ZNF106: variants seen among roughly 807,000 people sequenced by gnomAD.
ZNF106 encodes SH3-domain binding protein 3.
ZNF106 carries 67 observed loss-of-function variants against 195.1 expected under a neutral mutation model. The ratio of observed to expected loss-of-function variants is 0.34; its 90% CI spans 0.28 to 0.42. The LOEUF is 0.42. Among genes scored for constraint, ZNF106 ranks in the 10% least tolerant of loss-of-function variants. ZNF106 has a pLI of 1.00. For synonymous variants in ZNF106, 784 were observed against 818.6 expected, an observed-to-expected ratio of 0.96 and a Z score of 0.72; for missense variants, 2,118 against 2,304.5, an observed-to-expected ratio of 0.92 and a Z score of 1.66.
chr15:42,479,560 G>A (rs148192048), intron 1 of ZNF106, among the ~76,000 whole-genome samples: 1,855 of 151,842 alleles, frequency 0.012, 29 homozygotes, highest in African/African-American at 0.043. Flanking sequence ...ACAGGGTCTC[G>A]GCCAGGCACA....
chr15:42,427,918 GAAGAA>G, intron 15 of ZNF106, 95 bp downstream of exon 15: 2 of 969,978 alleles, frequency 2.1e-6, no homozygotes, highest in South Asian at 1.4e-5. Context: ...CTTCCTCACA[GAAGAA>G]AATAGGAAAA....
Position 42,448,011 on chromosome 15 carries a change from T to C in ZNF106, c.3135+61A>G, listed in dbSNP as rs1030213774. On this transcript the variant is annotated intron_variant, in intron 6 of 21. Transcript: ENST00000564754. ...CCAAGAAAAACAGTTGAACCTTTTT[T>C]CATAAGCAACCAACTTGCCACATGC... 4 of 1,522,202 alleles carry C rather than the reference T, an allele frequency of 2.6e-6. No homozygotes were observed. The African/African-American group carries it at 4.2e-5, about 16-fold the overall frequency. 94.3% of individuals were successfully genotyped at this position (1,522,202 alleles called of 1,614,324 possible).
intron 11 of ZNF106, 35 bp from the exon 12 acceptor site, chr15:42,438,702 G>T (rs549544841): frequency 6.3e-7 from 1 of 1,596,930 alleles, no homozygotes. Flanking sequence ...CTCAGCATCT[G>T]TGTGAACAGG....
chr15:42,450,258 G>A lies in ZNF106; in HGVS notation c.2014C>T (p.Gln672Ter). ...STSPCNPIVR[Q>*]KESELQMTSA... ...GTCATTTGTAATTCAGATTCTTTCT[G>A]GCGAACTATGGGATTACATGGGGAA... is the stretch of plus-strand genomic sequence containing the variant. The change falls in exon 5 of 22, where the codon CAG (glutamine) becomes TAG (stop). Residue 672 changes from glutamine (Q) to a stop codon, truncating the protein, a stop_gained. Coordinates refer to ENST00000564754, the MANE Select transcript of ZNF106 (RefSeq NM_001366845.3). LOFTEE classifies it high-confidence loss of function. 6.2e-7 allele frequency: 1 copy of A among 1,614,156 alleles called. No individual in the cohort carries two copies. Among genetic ancestry groups the A allele is most frequent in the Non-Finnish European group, 8.5e-7 (1 of 1,180,026 alleles).
chr15:42,454,757 A>G (rs1236079793), intron 4 of ZNF106, among the ~76,000 whole-genome samples: 1 of 151,730 alleles, frequency 6.6e-6, no homozygotes, highest in Non-Finnish European at 1.5e-5. Flanking sequence ...TTAGCCACGC[A>G]TGGTGGCGAT....
rs140624655 is a variant in ZNF106 at position 42,432,199 on chromosome 15, C to T, written c.4881+3185G>A. Among the ~76,000 whole-genome samples, 921 of 152,226 alleles carry T rather than the reference C, an allele frequency of 6.1e-3. 7 individuals carry two copies. The highest frequency in any genetic ancestry group is 0.021 in the African/African-American group (881 of 41,530). ...AAAGGGACAGCGTCTCACTCTGTCA[C>T]CCAGGCTGGAGTGCAGTGGCATTGT... On this transcript the variant is annotated intron_variant, in intron 14 of 21. Coordinates refer to ENST00000564754, the MANE Select transcript of ZNF106 (RefSeq NM_001366845.3).
intron 1 of ZNF106, among the ~76,000 whole-genome samples, chr15:42,487,736 T>C (rs1439163801): frequency 6.6e-6 from 1 of 152,160 alleles, no homozygotes; most frequent in African/African-American, 2.4e-5. Flanking sequence ...TCCGTCTCCA[T>C]AACTACTTGC....
chr15:42,421,264 C>T (rs62022303), intron 19 of ZNF106, 132 bp from the exon 20 acceptor site: 113,935 of 792,344 alleles, frequency 0.14, 10,744 homozygotes, highest in African/African-American at 0.41. Context: ...AGCTCCAGAG[C>T]AGGAGAATGG....
At chr15:42,467,599 C>CT (rs201461303) in intron 2 of ZNF106, among the ~76,000 whole-genome samples, 10,391 of 151,700 alleles carry the variant, frequency 0.068, 449 homozygotes, top group South Asian at 0.16. Flanking sequence ...ACCAGCCTAG[C>CT]TAACATGGTG....
intron 3 of ZNF106, among the ~76,000 whole-genome samples, 192 bp downstream of exon 3, chr15:42,465,861 C>T (rs529612617): frequency 6.6e-6 from 1 of 152,186 alleles, no homozygotes; most frequent in Non-Finnish European, 1.5e-5. Flanking sequence ...ATTTGAGATG[C>T]CCAAAGGTAT....
chr15:42,485,960 CTTT>C (rs34242148), intron 1 of ZNF106, among the ~76,000 whole-genome samples: 7 of 137,408 alleles, frequency 5.1e-5, no homozygotes, highest in Admixed American at 1.5e-4. Flanking sequence ...ATTACTCTTT[CTTT>C]TTTTTTTTTT....
intron 21 of ZNF106, 84 bp downstream of exon 21, chr15:42,417,720 AT>A: frequency 1.4e-6 from 2 of 1,444,622 alleles, no homozygotes; most frequent in Non-Finnish European, 9.2e-7. Context: ...ATATATGGCA[AT>A]TCTCAATAAT....
chr15:42,426,449 G>C (rs1427647576), intron 15 of ZNF106, among the ~76,000 whole-genome samples: 1 of 150,366 alleles, frequency 6.7e-6, no homozygotes, highest in Non-Finnish European at 1.5e-5. Flanking sequence ...AGCCAGTCTT[G>C]AGTACAATGG....
intron 3 of ZNF106, among the ~76,000 whole-genome samples, chr15:42,459,346 G>A (rs538525691): frequency 3.3e-5 from 5 of 151,738 alleles, no homozygotes; most frequent in African/African-American, 4.8e-5. Flanking sequence ...CATGGTGGCG[G>A]GCACCTGTAA....
chr15:42,450,476 G>T lies in ZNF106; in HGVS notation c.1796C>A (p.Ser599Tyr). 16 of 1,614,080 alleles carry T rather than the reference G, an allele frequency of 9.9e-6. No homozygotes were observed. The highest frequency in any genetic ancestry group is 1.4e-5 in the Non-Finnish European group (16 of 1,180,020). Residue 599 changes from serine (S) to tyrosine (Y), a missense_variant, in exon 5 of 22, where the codon TCT becomes TAT. Coordinates refer to ENST00000564754, the MANE Select transcript of ZNF106 (RefSeq NM_001366845.3). ...SRNVEESEKG[S>Y]LKIEFQVHAL... is the part of the protein sequence containing the mutation. ...GTGCACTTGAAACTCAATTTTCAAA[G>T]ACCCTTTTTCAGATTCTTCTACATT... is the stretch of plus-strand genomic sequence containing the variant.
At chr15:42,465,966 G>C (rs1053250776) in intron 3 of ZNF106, 87 bp downstream of exon 3, 1 of 1,064,526 alleles carries the variant, frequency 9.4e-7, no homozygotes, top group Non-Finnish European at 1.3e-6. Context: ...TGCTTTTGAC[G>C]GATTACTGCA....
intron 14 of ZNF106, among the ~76,000 whole-genome samples, chr15:42,434,646 CAT>C (rs1454983273): frequency 2.0e-5 from 3 of 151,906 alleles, no homozygotes; most frequent in Admixed American, 6.6e-5. Context: ...AAATTAAAAA[CAT>C]ATTGTATATA....
In ZNF106 at chr15:42,456,945, A is replaced by G. The variant is rs915630710; in HGVS notation, c.317+13T>C. On this transcript the variant is annotated intron_variant, in intron 4 of 21. Coordinates refer to ENST00000564754, the MANE Select transcript of ZNF106 (RefSeq NM_001366845.3). ...GTTATAGATAGGCTTTTTTTAAAAAATCAATTACTTACCGACTTTGTTCTT... is the reference window on the plus strand; with the variant it reads ...GTTATAGATAGGCTTTTTTTAAAAAGTCAATTACTTACCGACTTTGTTCTT... 2 of 1,607,406 alleles carry G rather than the reference A, an allele frequency of 1.2e-6. No individual in the cohort carries two copies. The highest frequency in any genetic ancestry group is 2.2e-5 in the East Asian group (1 of 44,802).
Position 42,450,499 on chromosome 15 carries a change from A to G in ZNF106, c.1773T>C (p.Asn591=). The part of the protein sequence containing the change: ...STRNYAKASR[N]VEESEKGSLK... ...AAGACCCTTTTTCAGATTCTTCTAC[A>G]TTTCTACTTGCTTTTGCATAGTTCC... Residue 591 remains asparagine, a synonymous_variant, in exon 5 of 22, where the codon AAT becomes AAC. Coordinates refer to ENST00000564754, the MANE Select transcript of ZNF106 (RefSeq NM_001366845.3). 2 of 1,613,966 alleles carry G rather than the reference A, an allele frequency of 1.2e-6. No homozygotes were observed. Among genetic ancestry groups the G allele is most frequent in the Admixed American group, 1.7e-5 (1 of 59,962 alleles).
Sources: gnomAD v4.1 joint callset for allele counts (sites outside exome capture counted in the v4.1 genomes callset) on GRCh38, gnomAD v4.1.1 for gene constraint, MANE v1.5 for transcripts, NCBI Gene and HGNC (gene_info 2026-07-23, HGNC 2026-07-21) for gene names.